Variants in FAM200C observed in about 807,000 individuals in gnomAD.
At chr5:160,395,316 C>T in the FAM200C span, 7 of 1,614,180 alleles carry the variant, frequency 4.3e-6, no homozygotes, top group Non-Finnish European at 5.9e-6. Context: ...TCATGCCCAG[C>T]TACACCACCA....
At chr5:160,396,931 A>C in the FAM200C span, among the ~76,000 whole-genome samples, 1 of 152,334 alleles carries the variant, frequency 6.6e-6, no homozygotes, top group African/African-American at 2.4e-5. Context: ...CAAAGACAGG[A>C]TGTAGAAGGC....
At chr5:160,396,878 C>G in the FAM200C span, among the ~76,000 whole-genome samples, 3 of 152,110 alleles carry the variant, frequency 2.0e-5, no homozygotes, top group Non-Finnish European at 2.9e-5. Flanking sequence ...CACACACATG[C>G]ACATACACAA....
chr5:160,393,995 C>T, the FAM200C span: 157 of 1,613,320 alleles, frequency 9.7e-5, no homozygotes, highest in Non-Finnish European at 1.2e-4. Context: ...GCCACTAGCT[C>T]GTAATTCAGC....
At chr5:160,394,630 C>G in the FAM200C span, 2 of 1,614,026 alleles carry the variant, frequency 1.2e-6, no homozygotes, top group Non-Finnish European at 1.7e-6. Context: ...GAGCATCCCT[C>G]AGTTTTGTAG....
the FAM200C span, chr5:160,394,187 A>G: frequency 6.2e-7 from 1 of 1,611,914 alleles, no homozygotes; most frequent in East Asian, 2.2e-5. Context: ...ATTATCTGAA[A>G]CAATTATTTC....
At chr5:160,394,869 C>CACAG in the FAM200C span, 1 of 1,612,892 alleles carries the variant, frequency 6.2e-7, no homozygotes, top group Non-Finnish European at 8.5e-7. Flanking sequence ...TGCAATGGTT[C>CACAG]ACAGAAGAGA....
At chr5:160,394,185 A>G in the FAM200C span, 1 of 1,611,968 alleles carries the variant, frequency 6.2e-7, no homozygotes, top group Admixed American at 1.7e-5. Flanking sequence ...TCATTATCTG[A>G]AACAATTATT....
At chr5:160,394,426 G>C in the FAM200C span, 2 of 1,613,336 alleles carry the variant, frequency 1.2e-6, no homozygotes, top group African/African-American at 2.7e-5. Flanking sequence ...TGCTCTTGTG[G>C]TGAAGAAACT....
At chr5:160,395,666 A>G in the FAM200C span, 1 of 621,626 alleles carries the variant, frequency 1.6e-6, no homozygotes, top group South Asian at 2.0e-5. Context: ...GAAGTAAGCC[A>G]TGACAGGATA....
the FAM200C span, among the ~76,000 whole-genome samples, chr5:160,397,785 C>T: frequency 6.6e-6 from 1 of 152,186 alleles, no homozygotes; most frequent in East Asian, 1.9e-4. Flanking sequence ...AGTAATGAGA[C>T]TACATGACCA....
the FAM200C span, chr5:160,393,975 T>C: frequency 1.2e-6 from 2 of 1,613,604 alleles, no homozygotes; most frequent in Admixed American, 1.7e-5. Flanking sequence ...TCAAATTCCA[T>C]TAGGATTTGG....
At chr5:160,394,906 T>C in the FAM200C span, 1 of 1,613,026 alleles carries the variant, frequency 6.2e-7, no homozygotes, top group South Asian at 1.1e-5. Context: ...CTCTTTCTTT[T>C]ATATAGCGCA....
the FAM200C span, chr5:160,393,901 T>G: frequency 1.7e-5 from 28 of 1,614,048 alleles, no homozygotes; most frequent in Admixed American, 1.8e-4. Context: ...TTTCTAGAGC[T>G]GTCTTTGCCA....
chr5:160,396,700 A>G, the FAM200C span, among the ~76,000 whole-genome samples: 2 of 145,546 alleles, frequency 1.4e-5, no homozygotes, highest in Non-Finnish European at 3.0e-5. Flanking sequence ...TCTCTGTGGA[A>G]AAAAAAAAAA....
the FAM200C span, chr5:160,397,659 A>G: frequency 6.6e-6 from 1 of 152,220 alleles, no homozygotes; most frequent in Non-Finnish European, 1.5e-5. Flanking sequence ...GTGTACTCCA[A>G]TAAAATAAGC....
the FAM200C span, chr5:160,393,369 G>C: frequency 4.8e-6 from 1 of 208,476 alleles, no homozygotes. Context: ...TGACTTCTGG[G>C]ATATCTTCTC....
chr5:160,394,038 C>T, the FAM200C span: 1 of 1,611,626 alleles, frequency 6.2e-7, no homozygotes, highest in Non-Finnish European at 8.5e-7. Flanking sequence ...CTATCATCAA[C>T]AAAATCGATA....
the FAM200C span, chr5:160,399,596 C>T: frequency 1.3e-5 from 2 of 152,222 alleles, no homozygotes; most frequent in African/African-American, 4.8e-5. Context: ...AGGATGGGAC[C>T]TTTCCAAGCC....
At chr5:160,395,424 C>T in the FAM200C span, 1 of 1,614,062 alleles carries the variant, frequency 6.2e-7, no homozygotes, top group Admixed American at 1.7e-5. Flanking sequence ...TGAGTTCCAT[C>T]TACTTCCGTT....
Sources: allele counts gnomAD v4.1 joint callset (sites outside exome capture counted in the v4.1 genomes callset), GRCh38; gene constraint gnomAD v4.1.1; transcripts MANE v1.5.